EVL: variants seen among roughly 807,000 people sequenced by gnomAD.
EVL encodes ena/VASP-like protein.
EVL carries 21 observed loss-of-function variants against 59.6 expected under a neutral mutation model. The ratio of observed to expected loss-of-function variants is 0.35; its 90% CI spans 0.25 to 0.51. The LOEUF (loss-of-function observed/expected upper bound fraction) is 0.51, where lower values mean the gene tolerates loss of function less well. EVL is among the 20% of genes least tolerant of loss of function. EVL has a pLI of 0.97. For synonymous variants in EVL, 198 were observed against 203.5 expected (o/e 0.97, Z 0.23); for missense variants, 462 against 546.6 (o/e 0.85, Z 1.54).
rs1272816361 is a variant in EVL at position 100,143,975 on chromosome 14, A to T, written c.*237A>T. 1 of 536,434 alleles carries T rather than the reference A, an allele frequency of 1.9e-6. No individual in the cohort carries two copies. The highest frequency in any genetic ancestry group is 3.3e-6 in the Non-Finnish European group (1 of 303,672). 33.2% of individuals were successfully genotyped at this position (536,434 alleles called of 1,614,324 possible). ...GGTCTGCTCGTCTTTTTTGTGTTTTATATTTGCTTATTTAAGGTACATTTC... is the reference window on the plus strand; with the variant it reads ...GGTCTGCTCGTCTTTTTTGTGTTTTTTATTTGCTTATTTAAGGTACATTTC... On this transcript the variant is annotated 3_prime_UTR_variant, in exon 14 of 14. Transcript: ENST00000392920.
chr14:100,081,795 G>C (rs55984801), intron 1 of EVL, among the ~76,000 whole-genome samples: 1 of 152,192 alleles, frequency 6.6e-6, no homozygotes, highest in Non-Finnish European at 1.5e-5. Context: ...CCCACACAGC[G>C]TTTGCTTCAG....
rs774642898 is a variant in EVL at position 100,137,612 on chromosome 14, G to A, written c.999G>A (p.Ser333=). 9.9e-6 allele frequency: 16 copies of A among 1,613,950 alleles called. No individual in the cohort carries two copies. Among genetic ancestry groups the A allele is most frequent in the Admixed American group, 8.3e-5 (5 of 60,012 alleles). Residue 333 remains serine, a synonymous_variant, in exon 10 of 14, where the codon TCG becomes TCA. Coordinates refer to ENST00000392920, the MANE Select transcript of EVL (RefSeq NM_016337.3). ...GGAAGCCCTGGGAGCGGAGCAACTCGGTGGAGAAGCCTGTGTCCTCGATTC... is the reference window on the plus strand; with the variant it reads ...GGAAGCCCTGGGAGCGGAGCAACTCAGTGGAGAAGCCTGTGTCCTCGATTC... ...AGRKPWERSN[S]VEKPVSSILS...
intron 1 of EVL, among the ~76,000 whole-genome samples, chr14:100,028,492 G>A (rs80078905): frequency 0.1 from 15,150 of 152,102 alleles, 1,333 homozygotes; most frequent in African/African-American, 0.23. Context: ...TTAGTTGTTA[G>A]GATGGCAAAG....
chr14:100,081,933 C>G (rs2062318053), intron 1 of EVL, among the ~76,000 whole-genome samples: 1 of 152,158 alleles, frequency 6.6e-6, no homozygotes. Flanking sequence ...AACCCTGTCT[C>G]TACTAAAATT....
chr14:100,049,225 C>G (rs2061606767), intron 1 of EVL, among the ~76,000 whole-genome samples: 1 of 152,128 alleles, frequency 6.6e-6, no homozygotes, highest in Non-Finnish European at 1.5e-5. Context: ...TCCTTAAAAC[C>G]ATTGGAAATC....
intron 3 of EVL, chr14:100,106,600 C>T (rs1421913795): frequency 5.4e-6 from 2 of 369,350 alleles, no homozygotes; most frequent in East Asian, 7.9e-5. Flanking sequence ...ACATGTAAGG[C>T]ATTATATCCG....
intron 1 of EVL, among the ~76,000 whole-genome samples, chr14:100,027,613 A>G (rs1566974271): frequency 1.3e-5 from 2 of 152,030 alleles, no homozygotes; most frequent in African/African-American, 4.8e-5. Context: ...ATAATATTCT[A>G]CTGTATATTT....
chr14:99,979,968 A>G (rs1246981504), intron 1 of EVL, among the ~76,000 whole-genome samples: 1 of 152,274 alleles, frequency 6.6e-6, no homozygotes, highest in Non-Finnish European at 1.5e-5. Flanking sequence ...CCTAAACAAT[A>G]AAGTATAACA....
chr14:100,118,240 C>T (rs1391302659), intron 3 of EVL, among the ~76,000 whole-genome samples: 4 of 152,160 alleles, frequency 2.6e-5, no homozygotes, highest in Non-Finnish European at 4.4e-5. Context: ...AGGAGTGTCA[C>T]CTGCATCTGG....
upstream of EVL, among the ~76,000 whole-genome samples, chr14:100,063,984 T>A (rs1364753824): frequency 6.6e-6 from 1 of 152,090 alleles, no homozygotes; most frequent in Non-Finnish European, 1.5e-5. Flanking sequence ...TTATCAATAA[T>A]CCATGGATAA....
At chr14:100,101,359 T>C (rs898033420) in intron 3 of EVL, among the ~76,000 whole-genome samples, 1 of 152,190 alleles carries the variant, frequency 6.6e-6, no homozygotes, top group African/African-American at 2.4e-5. Context: ...TGCGTGCCTG[T>C]AATCCCAGTT....
chr14:100,038,431 G>C (rs949504335), intron 1 of EVL, among the ~76,000 whole-genome samples: 15 of 152,102 alleles, frequency 9.9e-5, no homozygotes, highest in African/African-American at 3.1e-4. Context: ...TCAGATGGCG[G>C]ACAAGGTTGC....
At chr14:100,076,440 G>A (rs1199850164) in intron 1 of EVL, among the ~76,000 whole-genome samples, 1 of 152,232 alleles carries the variant, frequency 6.6e-6, no homozygotes, top group East Asian at 1.9e-4. Context: ...TAAAAGAAAT[G>A]GCCCCTGCCC....
At chr14:100,106,194 C>G (rs1886558348) in intron 3 of EVL, 1 of 152,180 alleles carries the variant, frequency 6.6e-6, no homozygotes, top group Non-Finnish European at 1.5e-5. Flanking sequence ...GCGTGTCCCA[C>G]CAAAACATGC....
At chr14:100,053,283 T>G (rs1377406555) in intron 1 of EVL, among the ~76,000 whole-genome samples, 2 of 152,192 alleles carry the variant, frequency 1.3e-5, no homozygotes, top group Non-Finnish European at 1.5e-5. Flanking sequence ...CTTTTTCTCC[T>G]CGTTTTTTCT....
intron 1 of EVL, among the ~76,000 whole-genome samples, chr14:100,023,615 C>T (rs900664517): frequency 6.6e-6 from 1 of 151,790 alleles, no homozygotes; most frequent in African/African-American, 2.4e-5. Flanking sequence ...ACATGAGCCA[C>T]CGCACCTAGC....
intron 3 of EVL, among the ~76,000 whole-genome samples, chr14:100,104,304 T>A (rs1816126709): frequency 6.6e-6 from 1 of 152,262 alleles, no homozygotes. Context: ...CTTCAGCCGT[T>A]ACTTTTCTTT....
At chr14:100,051,421 A>G (rs748354113) in intron 1 of EVL, among the ~76,000 whole-genome samples, 25 of 152,214 alleles carry the variant, frequency 1.6e-4, no homozygotes, top group Non-Finnish European at 3.7e-4. Flanking sequence ...CCATGGATGA[A>G]GGTGACTTCT....
chr14:100,110,529 T>C (rs181893804), intron 3 of EVL, among the ~76,000 whole-genome samples: 1 of 151,780 alleles, frequency 6.6e-6, no homozygotes, highest in Non-Finnish European at 1.5e-5. Context: ...CCTGCAGGGC[T>C]GGGGGTGAAT....
Sources: allele counts gnomAD v4.1 joint callset (sites outside exome capture counted in the v4.1 genomes callset), GRCh38; gene constraint gnomAD v4.1.1; transcripts MANE v1.5; gene names NCBI Gene and HGNC (gene_info 2026-07-23, HGNC 2026-07-21).